Variants in THSD7B observed in about 807,000 individuals in gnomAD.
The protein encoded by THSD7B is thrombospondin type 1 domain containing 7B.
THSD7B carries 138 observed loss-of-function variants against 213.6 expected under a neutral mutation model. The observed-to-expected ratio is 0.65, with a 90% confidence interval of 0.56 to 0.74. THSD7B has a LOEUF of 0.74. Ranked by LOEUF, THSD7B falls within the 30% of genes least tolerant of loss-of-function variation. The probability of loss-of-function intolerance (pLI) is 0.00; values close to 1 mark genes in which losing one functional copy is unlikely to be tolerated. For missense variants in THSD7B, 1,931 were observed against 1,991.5 expected (o/e 0.97, Z 0.58); for synonymous variants, 742 against 687.0 (o/e 1.08, Z -1.25).
chr2:136,812,244 T>C (rs1371414401), intron 1 of THSD7B, among the ~76,000 whole-genome samples: 1 of 152,246 alleles, frequency 6.6e-6, no homozygotes, highest in East Asian at 1.9e-4. Flanking sequence ...ATGGCGATTG[T>C]ATTTTTCTTG....
chr2:137,062,266 C>A, intron 3 of THSD7B, among the ~76,000 whole-genome samples: 1 of 151,296 alleles, frequency 6.6e-6, no homozygotes, highest in East Asian at 1.9e-4. Flanking sequence ...TTAATTTTAT[C>A]AGTGCTTTTA....
At position 137,405,723 on chromosome 2, in the gene THSD7B, G is replaced by A; in HGVS notation, c.2611G>A (p.Asp871Asn). 6.2e-7 allele frequency: 1 copy of A among 1,613,792 alleles called. No homozygotes were observed. Among genetic ancestry groups the A allele is most frequent in the Non-Finnish European group, 8.5e-7 (1 of 1,179,846 alleles). The change falls in exon 13 of 28, where the codon GAC (aspartate) becomes AAC (asparagine). Residue 871 changes from aspartate (D) to asparagine (N), a missense_variant. Transcript: ENST00000409968. ...VQECTVPCREDCTFTAWSKFT... is the reference protein window; with the variant it reads ...VQECTVPCRENCTFTAWSKFT... ...AGAATGCACAGTCCCATGTCGAGAA[G>A]ACTGCACCTTCACTGCTTGGTCCAA...
intron 2 of THSD7B, among the ~76,000 whole-genome samples, chr2:136,974,149 T>G (rs2104801962): frequency 6.6e-6 from 1 of 152,344 alleles, no homozygotes; most frequent in East Asian, 1.9e-4. Flanking sequence ...TTCTTATGAT[T>G]CAAAAATGCT....
At chr2:137,001,608 A>G (rs944559562) in intron 2 of THSD7B, among the ~76,000 whole-genome samples, 5 of 152,162 alleles carry the variant, frequency 3.3e-5, no homozygotes, top group Admixed American at 6.5e-5. Flanking sequence ...AGATGCTTCA[A>G]GTATGGCAAC....
intron 2 of THSD7B, among the ~76,000 whole-genome samples, chr2:136,921,051 G>T (rs562313108): frequency 6.6e-6 from 1 of 152,112 alleles, no homozygotes; most frequent in South Asian, 2.1e-4. Context: ...GCACCCGGGA[G>T]TGCGGCCTTC....
intron 15 of THSD7B, among the ~76,000 whole-genome samples, chr2:137,540,160 A>G (rs1680584255): frequency 6.6e-6 from 1 of 151,726 alleles, no homozygotes; most frequent in African/African-American, 2.4e-5. Context: ...GCAGCTACAG[A>G]CAATAAATAC....
At chr2:137,605,599 A>T (rs2104827537) in intron 17 of THSD7B, among the ~76,000 whole-genome samples, 1 of 151,402 alleles carries the variant, frequency 6.6e-6, no homozygotes, top group Non-Finnish European at 1.5e-5. Context: ...CATAGTGTTA[A>T]AAGTAAAAAA....
chr2:136,853,060 G>A (rs1683125837), intron 1 of THSD7B, among the ~76,000 whole-genome samples: 1 of 151,888 alleles, frequency 6.6e-6, no homozygotes, highest in South Asian at 2.1e-4. Flanking sequence ...GCATGTGCAT[G>A]TGTGTGTATG....
At chr2:137,309,681 G>A (rs1483559212) in intron 12 of THSD7B, among the ~76,000 whole-genome samples, 3 of 151,712 alleles carry the variant, frequency 2.0e-5, no homozygotes, top group Non-Finnish European at 4.4e-5. Context: ...ACAGTCCCCA[G>A]AGTGTGATGT....
chr2:137,310,093 CA>C (rs1315636477), intron 12 of THSD7B, among the ~76,000 whole-genome samples: 2 of 150,968 alleles, frequency 1.3e-5, no homozygotes, highest in African/African-American at 2.4e-5. Context: ...CTGACTTCCA[CA>C]ATGGTTGAAC....
intron 1 of THSD7B, among the ~76,000 whole-genome samples, chr2:136,828,293 T>A (rs898381797): frequency 6.6e-6 from 1 of 152,144 alleles, no homozygotes; most frequent in African/African-American, 2.4e-5. Flanking sequence ...CCTTCTGTTA[T>A]ACAAATCAGA....
At chr2:137,482,682 CTGT>C (rs1485717534) in intron 15 of THSD7B, among the ~76,000 whole-genome samples, 1 of 151,764 alleles carries the variant, frequency 6.6e-6, no homozygotes, top group African/African-American at 2.4e-5. Context: ...CTAAAGAAAA[CTGT>C]TTTTTTTTTT....
intron 3 of THSD7B, among the ~76,000 whole-genome samples, chr2:137,079,408 C>G (rs1454902274): frequency 6.6e-6 from 1 of 152,124 alleles, no homozygotes; most frequent in Non-Finnish European, 1.5e-5. Flanking sequence ...TTATATGGTG[C>G]ATAGATATTC....
intron 15 of THSD7B, among the ~76,000 whole-genome samples, chr2:137,490,905 T>G (rs1182384665): frequency 6.6e-6 from 1 of 152,238 alleles, no homozygotes. Flanking sequence ...ATGTTGTGGA[T>G]TATCCAAATA....
chr2:137,385,173 C>A (rs1474864545), intron 12 of THSD7B, among the ~76,000 whole-genome samples: 1 of 152,166 alleles, frequency 6.6e-6, no homozygotes, highest in African/African-American at 2.4e-5. Context: ...CGCACCTTTA[C>A]CTGAAAAGGA....
chr2:136,896,811 T>C lies in THSD7B; in HGVS notation c.139+14494T>C, dbSNP rs575322258. 7.2e-5 allele frequency among the ~76,000 whole-genome samples: 11 copies of C among 152,262 alleles called. No homozygotes were observed. The East Asian group carries it at 1.2e-3, about 16-fold the overall frequency. ...TTGTAAAAACTATGGAAATTCTTCA[T>C]TGAATTGCCTTGGCATCTTTGTTGA... On this transcript the variant is annotated intron_variant, in intron 2 of 27. Coordinates refer to ENST00000409968, the MANE Select transcript of THSD7B (RefSeq NM_001316349.2).
rs141790882 is a variant in THSD7B, at chr2:137,452,143, A to G, written c.3138+1120A>G. 5.2e-3 allele frequency: 2,293 copies of G among 441,648 alleles called. 40 individuals are homozygous for G. The highest frequency in any genetic ancestry group is 0.046 in the African/African-American group (2,157 of 47,282). The allele number at this position is 441,648 out of a possible 1,614,324, so 27.4% of individuals were successfully genotyped here. On this transcript the variant is annotated intron_variant, in intron 15 of 27. Transcript: ENST00000409968. ...ACTCACTGAAATTAAAAAAAAATTCAACAAGATATATTTAAGTTCTAAAAC... is the reference window on the plus strand; with the variant it reads ...ACTCACTGAAATTAAAAAAAAATTCGACAAGATATATTTAAGTTCTAAAAC...
intron 14 of THSD7B, among the ~76,000 whole-genome samples, chr2:137,416,461 T>C (rs1213762026): frequency 6.6e-6 from 1 of 152,232 alleles, no homozygotes; most frequent in Non-Finnish European, 1.5e-5. Flanking sequence ...TTTGTAACAC[T>C]ACATTTAACT....
rs144405485 is a variant in THSD7B at position 136,796,980 on chromosome 2, T to TCTCA, written c.-36+31294_-36+31295insTCAC. Among the ~76,000 whole-genome samples, 1,104 of 146,942 alleles carry TCTCA rather than the reference T, an allele frequency of 7.5e-3. 12 individuals carry two copies. The highest frequency in any genetic ancestry group is 0.026 in the African/African-American group (1,043 of 40,028). On this transcript the variant is annotated intron_variant, in intron 1 of 27. Transcript: ENST00000409968. ...GCCAAGATAGTGATATCATATTTGA[T>TCTCA]CACACACACACACACACACACACAC...
Sources: allele counts gnomAD v4.1 joint callset (sites outside exome capture counted in the v4.1 genomes callset), GRCh38; gene constraint gnomAD v4.1.1; transcripts MANE v1.5; gene names NCBI Gene and HGNC (gene_info 2026-07-23, HGNC 2026-07-21).